NPEPPS: variants seen among roughly 807,000 people sequenced by gnomAD.
NPEPPS encodes the protein puromycin-sensitive aminopeptidase.
A neutral mutation model predicts 115.5 loss-of-function variants in NPEPPS; 14 were observed. That is an observed-to-expected ratio of 0.12 (90% CI 0.08 to 0.19). The LOEUF (loss-of-function observed/expected upper bound fraction) is 0.19, where lower values mean the gene tolerates loss of function less well. Among genes scored for constraint, NPEPPS ranks in the 10% least tolerant of loss-of-function variants. The pLI, the probability that NPEPPS is intolerant of heterozygous loss-of-function variation, is 1.00. For missense variants in NPEPPS, 523 were observed against 1,110.8 expected, an observed-to-expected ratio of 0.47 and a Z score of 7.52; for synonymous variants, 285 against 390.6, an observed-to-expected ratio of 0.73 and a Z score of 3.19.
At chr17:47,545,148 G>T (rs1471466640) in intron 1 of NPEPPS, among the ~76,000 whole-genome samples, 2 of 152,064 alleles carry the variant, frequency 1.3e-5, no homozygotes, top group East Asian at 3.9e-4. Flanking sequence ...AGGACTGTAG[G>T]TGGATACCAT....
chr17:47,612,833 T>C (rs1289263667), intron 18 of NPEPPS, among the ~76,000 whole-genome samples: 1 of 152,136 alleles, frequency 6.6e-6, no homozygotes, highest in East Asian at 1.9e-4. Flanking sequence ...CAGCTAATTT[T>C]TGTATTTTCA....
intron 10 of NPEPPS, among the ~76,000 whole-genome samples, 188 bp downstream of exon 10, chr17:47,591,069 G>A (rs1479090182): frequency 6.6e-6 from 1 of 152,066 alleles, no homozygotes; most frequent in African/African-American, 2.4e-5. Flanking sequence ...TTTAAGGTAG[G>A]CAGTAAAAAA....
intron 1 of NPEPPS, among the ~76,000 whole-genome samples, chr17:47,544,040 A>C (rs1597819186): frequency 6.6e-6 from 1 of 152,000 alleles, no homozygotes; most frequent in Admixed American, 6.6e-5. Context: ...GACTACAGGC[A>C]CCTGCCACCA....
chr17:47,581,136 G>A (rs1911849730), intron 4 of NPEPPS: 1 of 151,766 alleles, frequency 6.6e-6, no homozygotes, highest in African/African-American at 2.4e-5. Context: ...TTCAAGAGGA[G>A]GGGTCACAGA....
At chr17:47,602,512 C>T (rs1448647138) in intron 15 of NPEPPS, among the ~76,000 whole-genome samples, 1 of 151,856 alleles carries the variant, frequency 6.6e-6, no homozygotes, top group African/African-American at 2.4e-5. Flanking sequence ...ATGGTGTGCA[C>T]CTGTAATCCC....
chr17:47,610,047 A>C (rs1306617319), intron 17 of NPEPPS, among the ~76,000 whole-genome samples: 3 of 152,072 alleles, frequency 2.0e-5, no homozygotes, highest in African/African-American at 7.2e-5. Context: ...TAATTCACAT[A>C]CCATAAAATT....
At chr17:47,588,572 A>C (rs1389661540) in intron 9 of NPEPPS, among the ~76,000 whole-genome samples, 2 of 152,166 alleles carry the variant, frequency 1.3e-5, no homozygotes, top group Non-Finnish European at 2.9e-5. Flanking sequence ...CTCAAAAAAA[A>C]AAAAAGAAAT....
intron 12 of NPEPPS, 81 bp from the exon 13 acceptor site, chr17:47,596,272 G>A (rs1304332265): frequency 2.2e-6 from 2 of 908,140 alleles, no homozygotes; most frequent in Non-Finnish European, 3.3e-6. Flanking sequence ...GCAGTGTAGT[G>A]TCAAAAGTTA....
intron 2 of NPEPPS, among the ~76,000 whole-genome samples, chr17:47,567,078 T>C (rs1910869798): frequency 6.6e-6 from 1 of 152,100 alleles, no homozygotes; most frequent in Non-Finnish European, 1.5e-5. Context: ...AGATCCTGTC[T>C]CAAAAAACAA....
In NPEPPS at chr17:47,619,017, A is replaced by G. The variant is rs1368219028; in HGVS notation, c.2412A>G (p.Val804=). The G allele has an allele frequency of 6.2e-7, 1 of 1,612,662 alleles. No individual in the cohort carries two copies. The stretch of plus-strand genomic sequence containing the variant: ...TCTCTTTCTTTTTTTAGGAAGAGGT[A>G]CGTCCACAGGACACTGTATCGGTAA... ...KVLTFALSEE[V]RPQDTVSVIG... is the part of the protein sequence containing the mutation. Residue 804 remains valine, a synonymous_variant, in exon 21 of 23, where the codon GTA becomes GTG. Transcript: ENST00000322157.
chr17:47,581,731 T>G (rs377273932), intron 4 of NPEPPS: 42 of 152,362 alleles, frequency 2.8e-4, no homozygotes, highest in African/African-American at 1.0e-3. Flanking sequence ...AGCCTTGCTC[T>G]GTCGCCCAGG....
intron 2 of NPEPPS, among the ~76,000 whole-genome samples, chr17:47,552,517 TTGAGGGGCTGTC>T (rs1909722098): frequency 6.6e-6 from 1 of 152,242 alleles, no homozygotes; most frequent in Admixed American, 6.5e-5. Flanking sequence ...TTGAGTAATA[TTGAGGGGCTGTC>T]TGATAAAGAA....
chr17:47,608,740 TAGA>T (rs1913666997), intron 17 of NPEPPS, among the ~76,000 whole-genome samples: 1 of 151,686 alleles, frequency 6.6e-6, no homozygotes, highest in Non-Finnish European at 1.5e-5. Flanking sequence ...GCCAGTGAGG[TAGA>T]AGGAGAGCCA....
chr17:47,524,168 G>A (rs1246459637), intron 1 of NPEPPS, among the ~76,000 whole-genome samples: 12 of 151,784 alleles, frequency 7.9e-5, no homozygotes, highest in Non-Finnish European at 1.8e-4. Context: ...TTAGCTGGGC[G>A]TGGTGGCAGG....
At chr17:47,556,043 A>C (rs1213003580) in intron 2 of NPEPPS, among the ~76,000 whole-genome samples, 1 of 139,294 alleles carries the variant, frequency 7.2e-6, no homozygotes, top group East Asian at 2.0e-4. Context: ...GGCTCACTAC[A>C]ACCTCTGCCT....
Position 47,622,016 on chromosome 17 carries a change from T to G in NPEPPS, c.*96T>G, listed in dbSNP as rs1236242413. 8.5e-6 allele frequency: 12 copies of G among 1,408,732 alleles called. No homozygotes were observed. The highest frequency in any genetic ancestry group is 1.1e-5 in the Non-Finnish European group (12 of 1,071,268). 87.3% of individuals were successfully genotyped at this position (1,408,732 alleles called of 1,614,324 possible). On this transcript the variant is annotated 3_prime_UTR_variant, in exon 23 of 23. Transcript: ENST00000322157. ...ATTCATATGCCAAGAATTTGGAGTC[T>G]TCTTTCAAACCAGTGGGGGTTGGAC...
intron 17 of NPEPPS, among the ~76,000 whole-genome samples, chr17:47,609,741 C>A (rs573136378): frequency 6.6e-6 from 1 of 152,318 alleles, no homozygotes; most frequent in South Asian, 2.1e-4. Flanking sequence ...CTACCCCACA[C>A]AGGCACATGC....
chr17:47,622,443 C>T lies in NPEPPS; in HGVS notation c.*523C>T, dbSNP rs1458492581. On this transcript the variant is annotated 3_prime_UTR_variant, in exon 23 of 23. Transcript: ENST00000322157. ...CAAGTGGCTTTTTTTTTTTTTGGCA[C>T]GGGGACTGATCAGGAAGATATATTC... The T allele has an allele frequency of 6.0e-5, 10 of 167,606 alleles. No individual in the cohort carries two copies. The highest frequency in any genetic ancestry group is 1.9e-4 in the East Asian group (1 of 5,296). 10.4% of individuals were successfully genotyped at this position (167,606 alleles called of 1,614,324 possible). A position where few individuals can be genotyped will look rare whatever the true frequency, so the allele number is the denominator to read the frequency against.
intron 17 of NPEPPS, among the ~76,000 whole-genome samples, chr17:47,608,334 A>G (rs1020283904): frequency 3.3e-5 from 5 of 152,104 alleles, no homozygotes; most frequent in Non-Finnish European, 7.4e-5. Context: ...ACACGCCTGT[A>G]GTCCCAGCTA....
Sources: gnomAD v4.1 joint callset for allele counts (sites outside exome capture counted in the v4.1 genomes callset) on GRCh38, gnomAD v4.1.1 for gene constraint, MANE v1.5 for transcripts, NCBI Gene and HGNC (gene_info 2026-07-23, HGNC 2026-07-21) for gene names.